Variants in CPPED1 observed in about 807,000 individuals in gnomAD.
CPPED1 encodes calcineurin like phosphoesterase domain containing 1.
Under a neutral mutation model 28.0 loss-of-function variants are expected in CPPED1, and 28 were observed. That is an observed-to-expected ratio of 1.00 (90% CI 0.74 to 1.37). The LOEUF (loss-of-function observed/expected upper bound fraction) is 1.37. CPPED1 is among the 40% of genes most tolerant of loss of function. The pLI is 0.00. For missense variants in CPPED1, 504 were observed against 416.5 expected (o/e 1.21, Z -1.83); for synonymous variants, 198 against 180.2 (o/e 1.10, Z -0.79).
intron 2 of CPPED1, among the ~76,000 whole-genome samples, chr16:12,765,179 C>T (rs773120579): frequency 6.6e-6 from 1 of 152,238 alleles, no homozygotes; most frequent in African/African-American, 2.4e-5. Context: ...TGTTCATTAT[C>T]TCTTCCTAAT....
At chr16:12,698,337 T>C (rs2080002929) in intron 3 of CPPED1, among the ~76,000 whole-genome samples, 1 of 152,190 alleles carries the variant, frequency 6.6e-6, no homozygotes, top group Non-Finnish European at 1.5e-5. Flanking sequence ...GTGACTGCAA[T>C]ACAGCGCAAA....
At chr16:12,741,856 G>A (rs534737370) in intron 2 of CPPED1, among the ~76,000 whole-genome samples, 18 of 152,146 alleles carry the variant, frequency 1.2e-4, no homozygotes, top group Non-Finnish European at 2.1e-4. Flanking sequence ...TTCGAAACCA[G>A]GAGTTCGAAA....
chr16:12,778,261 T>TTTTC (rs937589087), intron 2 of CPPED1, among the ~76,000 whole-genome samples: 5 of 145,646 alleles, frequency 3.4e-5, no homozygotes, highest in Non-Finnish European at 3.0e-5. Flanking sequence ...TTCTTTTCTT[T>TTTTC]TTTCTTTCTT....
At chr16:12,738,941 A>C (rs1250547205) in intron 2 of CPPED1, among the ~76,000 whole-genome samples, 1 of 152,052 alleles carries the variant, frequency 6.6e-6, no homozygotes, top group Non-Finnish European at 1.5e-5. Context: ...TAAATGAAGG[A>C]GTTTTCCTAC....
intron 1 of CPPED1, among the ~76,000 whole-genome samples, chr16:12,797,381 T>C (rs1335932291): frequency 6.6e-6 from 1 of 152,118 alleles, no homozygotes; most frequent in Non-Finnish European, 1.5e-5. Flanking sequence ...CGAAACTGTC[T>C]CTACAAAAAA....
chr16:12,690,131 A>C (rs899175415), intron 3 of CPPED1, among the ~76,000 whole-genome samples: 11 of 152,082 alleles, frequency 7.2e-5, no homozygotes, highest in Non-Finnish European at 1.5e-4. Context: ...TAATCTTTAG[A>C]TAATGAGCCC....
In CPPED1 at chr16:12,729,470, G is replaced by C. The variant is rs60371433; in HGVS notation, c.290-24421C>G. Among the ~76,000 whole-genome samples the C allele has an allele frequency of 5.9e-3, 895 of 152,276 alleles. 21 individuals are homozygous for C. The highest frequency in any genetic ancestry group is 0.046 in the East Asian group (238 of 5,180). Reference sequence around the variant, plus strand: ...ATCCCACAGACTGTACCTTCAGTTTGAACTGTTTATTAATCATTCTATCTA... The same window carrying C: ...ATCCCACAGACTGTACCTTCAGTTTCAACTGTTTATTAATCATTCTATCTA... On this transcript the variant is annotated intron_variant, in intron 2 of 3. Coordinates refer to ENST00000381774, the MANE Select transcript of CPPED1 (RefSeq NM_018340.3).
At chr16:12,685,567 G>T (rs959681028) in intron 3 of CPPED1, among the ~76,000 whole-genome samples, 2 of 152,280 alleles carry the variant, frequency 1.3e-5, no homozygotes, top group South Asian at 4.1e-4. Flanking sequence ...CTGCATGCCG[G>T]GGACCTGATG....
chr16:12,720,315 C>T (rs2080132520), intron 2 of CPPED1: 1 of 154,280 alleles, frequency 6.5e-6, no homozygotes, highest in Non-Finnish European at 1.5e-5. Context: ...CTTCTGTGTT[C>T]TTTGTAGCTG....
chr16:12,687,303 AG>A (rs1345667720), intron 3 of CPPED1, among the ~76,000 whole-genome samples: 1 of 152,186 alleles, frequency 6.6e-6, no homozygotes, highest in East Asian at 1.9e-4. Flanking sequence ...ACATCTTGTA[AG>A]ATCTGTCTTT....
In CPPED1 at chr16:12,705,021, C is replaced by T. The variant is rs372715528; in HGVS notation, c.318G>A (p.Glu106=). 3.2e-5 allele frequency: 52 copies of T among 1,611,686 alleles called. No individual in the cohort carries two copies. In the Middle Eastern group the frequency reaches 4.1e-3, roughly 128 times the overall value. The part of the protein sequence containing the change: ...PGKPWRTEQT[E]DLKRVLRAVD... ...CTGCCCTAAGCACTCGCTTCAGGTCCTCCGTCTGCTCCGTCCGCCACGGCT... is the reference window on the plus strand; with the variant it reads ...CTGCCCTAAGCACTCGCTTCAGGTCTTCCGTCTGCTCCGTCCGCCACGGCT... Residue 106 remains glutamate (E), a synonymous_variant, in exon 3 of 4, where the codon GAG becomes GAA. Coordinates refer to ENST00000381774, the MANE Select transcript of CPPED1 (RefSeq NM_018340.3).
chr16:12,795,318 C>T (rs767145957), intron 1 of CPPED1, among the ~76,000 whole-genome samples: 8 of 152,140 alleles, frequency 5.3e-5, no homozygotes, highest in Non-Finnish European at 1.0e-4. Context: ...GTAGTGCACA[C>T]AGTGCACAGC....
At chr16:12,728,299 G>A (rs749889068) in intron 2 of CPPED1, among the ~76,000 whole-genome samples, 4 of 151,990 alleles carry the variant, frequency 2.6e-5, no homozygotes, top group Non-Finnish European at 4.4e-5. Flanking sequence ...TAGAGGGTCC[G>A]TAGAGGTATA....
intron 2 of CPPED1, among the ~76,000 whole-genome samples, chr16:12,754,703 T>G (rs931939332): frequency 6.6e-6 from 1 of 152,094 alleles, no homozygotes; most frequent in African/African-American, 2.4e-5. Context: ...GAAAAAAATG[T>G]TAAAGTGTAG....
intron 2 of CPPED1, chr16:12,757,695 T>C (rs1007785925): frequency 7.2e-6 from 1 of 139,750 alleles, no homozygotes; most frequent in Non-Finnish European, 1.5e-5. Context: ...ACGGACTTCA[T>C]GCCTTTCAGA....
intron 2 of CPPED1, among the ~76,000 whole-genome samples, chr16:12,773,509 A>G (rs1196748895): frequency 6.6e-6 from 1 of 152,156 alleles, no homozygotes; most frequent in African/African-American, 2.4e-5. Flanking sequence ...GATCACTTCC[A>G]GCCAGGAGTT....
At chr16:12,672,301 G>C (rs1051245095) in intron 3 of CPPED1, among the ~76,000 whole-genome samples, 2 of 152,194 alleles carry the variant, frequency 1.3e-5, no homozygotes, top group African/African-American at 4.8e-5. Context: ...TTATCCTTCA[G>C]AAATCCCCAG....
intron 1 of CPPED1, among the ~76,000 whole-genome samples, chr16:12,794,394 T>C (rs1238360583): frequency 6.6e-6 from 1 of 151,692 alleles, no homozygotes; most frequent in Non-Finnish European, 1.5e-5. Context: ...TGGTGAACTG[T>C]AGGGTATGCT....
intron 2 of CPPED1, among the ~76,000 whole-genome samples, chr16:12,776,246 G>A (rs2080497133): frequency 6.6e-6 from 1 of 152,162 alleles, no homozygotes; most frequent in Non-Finnish European, 1.5e-5. Flanking sequence ...AAACGCAGTT[G>A]GCCTCTAGAA....
Sources: allele counts gnomAD v4.1 joint callset (sites outside exome capture counted in the v4.1 genomes callset), GRCh38; gene constraint gnomAD v4.1.1; transcripts MANE v1.5; gene names NCBI Gene and HGNC (gene_info 2026-07-23, HGNC 2026-07-21).